Variants in PRICKLE1 observed in about 807,000 individuals in gnomAD.
PRICKLE1 encodes the protein prickle-like protein 1.
Under a neutral mutation model 70.2 loss-of-function variants are expected in PRICKLE1, and 14 were observed. The ratio of observed to expected loss-of-function variants is 0.20; its 90% CI spans 0.13 to 0.31. PRICKLE1 has a LOEUF of 0.31. PRICKLE1 is among the 10% of genes least tolerant of loss of function. The pLI is 1.00. For synonymous variants in PRICKLE1, 357 were observed against 379.9 expected (o/e 0.94, Z 0.70); for missense variants, 821 against 1,026.2 (o/e 0.80, Z 2.73).
At chr12:42,491,896 G>A (rs1320019635) in intron 1 of PRICKLE1, among the ~76,000 whole-genome samples, 2 of 147,922 alleles carry the variant, frequency 1.4e-5, no homozygotes, top group South Asian at 2.1e-4. Flanking sequence ...TGATTCTCCT[G>A]CCTCAGCCTC....
chr12:42,503,399 A>T (rs1037974222), intron 1 of PRICKLE1, among the ~76,000 whole-genome samples: 17 of 152,282 alleles, frequency 1.1e-4, no homozygotes, highest in African/African-American at 3.8e-4. Flanking sequence ...ATTGTACACA[A>T]GGGGATAGAT....
At chr12:42,462,726 T>C (rs1937906105) in intron 7 of PRICKLE1, among the ~76,000 whole-genome samples, 1 of 152,176 alleles carries the variant, frequency 6.6e-6, no homozygotes, top group African/African-American at 2.4e-5. Context: ...CTACTAAGCC[T>C]TTCCTGTCTA....
chr12:42,541,905 C>A (rs1266255693), intron 1 of PRICKLE1, among the ~76,000 whole-genome samples: 2 of 152,154 alleles, frequency 1.3e-5, no homozygotes, highest in Admixed American at 6.6e-5. Flanking sequence ...TCCCCTCTAG[C>A]CATAGGGTTC....
At chr12:42,542,754 AT>A (rs1250535983) in intron 1 of PRICKLE1, among the ~76,000 whole-genome samples, 2 of 152,198 alleles carry the variant, frequency 1.3e-5, no homozygotes, top group Admixed American at 6.5e-5. Context: ...TGTATTTTGC[AT>A]TTTGCAGGAC....
chr12:42,471,884 A>G (rs897401499), intron 2 of PRICKLE1, among the ~76,000 whole-genome samples: 1 of 152,236 alleles, frequency 6.6e-6, no homozygotes, highest in African/African-American at 2.4e-5. Context: ...TGTAAGTGAC[A>G]GGCTCTTTTA....
intron 1 of PRICKLE1, among the ~76,000 whole-genome samples, chr12:42,581,621 C>A (rs758933911): frequency 6.6e-6 from 1 of 151,868 alleles, no homozygotes; most frequent in Non-Finnish European, 1.5e-5. Context: ...GTGGCATATG[C>A]CTGTAATCCC....
chr12:42,576,998 G>T (rs947388372), intron 1 of PRICKLE1, among the ~76,000 whole-genome samples: 1 of 152,116 alleles, frequency 6.6e-6, no homozygotes, highest in South Asian at 2.1e-4. Flanking sequence ...AGTTATTAGG[G>T]TTATTGAAAA....
intron 1 of PRICKLE1, among the ~76,000 whole-genome samples, chr12:42,584,849 C>G (rs1026748992): frequency 2.0e-5 from 3 of 152,132 alleles, no homozygotes; most frequent in African/African-American, 4.8e-5. Flanking sequence ...CTGCATCTCA[C>G]AGCAATATTT....
intron 1 of PRICKLE1, chr12:42,525,109 G>A (rs1007933238): frequency 1.3e-5 from 2 of 152,310 alleles, no homozygotes; most frequent in Non-Finnish European, 2.9e-5. Flanking sequence ...AGCCACTGGG[G>A]AAGGGGTTTC....
In PRICKLE1 at chr12:42,460,334, C is replaced by T. The variant is rs2140086977; in HGVS notation, c.1971G>A (p.Arg657=). ...TCTCTTCAAAATTGTAGACGCGTCT[C>T]CGAGTCCTTTCACTCATCGGAGGCT... ...IRQPPMSERT[R]RRVYNFEERG... is the part of the protein sequence containing the mutation. The change falls in exon 8 of 8, where the codon CGG becomes CGA. Residue 657 remains arginine, a synonymous_variant. Coordinates refer to ENST00000345127, the MANE Select transcript of PRICKLE1 (RefSeq NM_153026.3). The T allele has an allele frequency of 2.5e-6, 4 of 1,614,154 alleles. No individual in the cohort carries two copies. The highest frequency in any genetic ancestry group is 3.4e-6 in the Non-Finnish European group (4 of 1,180,038).
At chr12:42,480,032 C>T (rs1938736579) in intron 1 of PRICKLE1, among the ~76,000 whole-genome samples, 2 of 152,148 alleles carry the variant, frequency 1.3e-5, no homozygotes, top group Admixed American at 1.3e-4. Flanking sequence ...TGTGATTTAG[C>T]CTTCGGCTGA....
At chr12:42,557,597 A>G (rs559060703) in intron 1 of PRICKLE1, among the ~76,000 whole-genome samples, 17 of 152,292 alleles carry the variant, frequency 1.1e-4, no homozygotes, top group African/African-American at 4.1e-4. Context: ...AAAGATGTCC[A>G]TGTTTGTTCA....
At chr12:42,564,548 C>T (rs1463821189) in intron 1 of PRICKLE1, among the ~76,000 whole-genome samples, 1 of 152,032 alleles carries the variant, frequency 6.6e-6, no homozygotes, top group African/African-American at 2.4e-5. Context: ...GCAGAGGTTG[C>T]GGTGAGCTGA....
chr12:42,555,291 C>G (rs1265255550), intron 1 of PRICKLE1, among the ~76,000 whole-genome samples: 1 of 151,982 alleles, frequency 6.6e-6, no homozygotes, highest in Non-Finnish European at 1.5e-5. Flanking sequence ...GTGACAAGAG[C>G]GAAACTCCAT....
chr12:42,533,282 TTA>T (rs1377293084), intron 1 of PRICKLE1, among the ~76,000 whole-genome samples: 1 of 152,000 alleles, frequency 6.6e-6, no homozygotes, highest in African/African-American at 2.4e-5. Flanking sequence ...TAATGAATCG[TTA>T]TGTTATTTAA....
chr12:42,570,618 G>A (rs1392912191), intron 1 of PRICKLE1, among the ~76,000 whole-genome samples: 1 of 152,126 alleles, frequency 6.6e-6, no homozygotes, highest in Non-Finnish European at 1.5e-5. Context: ...TCGGGAGTTC[G>A]AGACCAGCCT....
intron 1 of PRICKLE1, among the ~76,000 whole-genome samples, chr12:42,570,726 A>G (rs940919702): frequency 5.3e-5 from 8 of 152,176 alleles, no homozygotes; most frequent in Non-Finnish European, 1.2e-4. Context: ...AGGCTGAGGC[A>G]GGAGAATCAC....
Position 42,464,032 on chromosome 12 carries a change from AT to A in PRICKLE1, c.1639+362del, listed in dbSNP as rs879477032. On this transcript the variant is annotated intron_variant, in intron 7 of 7. Coordinates refer to ENST00000345127, the MANE Select transcript of PRICKLE1 (RefSeq NM_153026.3). This position sits in a 1 kb window ranked among gnomAD's most constrained non-coding sequence, Gnocchi z 4.2. ...CAACTCCTACTCATGCTGAATTGCAATTTTTTTTTTTTTTGAGATGGAGTCT... is the reference window on the plus strand; with the variant it reads ...CAACTCCTACTCATGCTGAATTGCAATTTTTTTTTTTTTGAGATGGAGTCT... 1.4e-3 allele frequency among the ~76,000 whole-genome samples: 201 copies of A among 145,470 alleles called. 1 individual carries two copies. The highest frequency in any genetic ancestry group is 3.5e-3 in the Middle Eastern group (1 of 284).
intron 3 of PRICKLE1, 127 bp from the exon 4 acceptor site, chr12:42,469,714 G>T: frequency 1.7e-6 from 2 of 1,184,710 alleles, no homozygotes; most frequent in East Asian, 2.4e-5. Context: ...ACACCCCCAC[G>T]ATTTTAAAAT....
Sources: gnomAD v4.1 joint callset for allele counts (sites outside exome capture counted in the v4.1 genomes callset) on GRCh38, gnomAD v4.1.1 for gene constraint, Gnocchi (gnomAD v3.1) non-coding constraint, MANE v1.5 for transcripts, NCBI Gene and HGNC (gene_info 2026-07-23, HGNC 2026-07-21) for gene names.